Variants in RPTOR observed in about 807,000 individuals in gnomAD.
RPTOR encodes regulatory associated protein of MTOR complex 1.
RPTOR carries 21 observed loss-of-function variants against 169.9 expected under a neutral mutation model. The observed-to-expected ratio is 0.12, with a 90% CI of 0.09 to 0.18. The LOEUF (loss-of-function observed/expected upper bound fraction) is 0.18. Among genes scored for constraint, RPTOR ranks in the 10% least tolerant of loss-of-function variants. The probability of loss-of-function intolerance (pLI) is 1.00; values close to 1 mark genes in which losing one functional copy is unlikely to be tolerated. For synonymous variants in RPTOR, 732 were observed against 753.2 expected, an observed-to-expected ratio of 0.97 and a Z score of 0.46; for missense variants, 1,133 against 1,855.9, an observed-to-expected ratio of 0.61 and a Z score of 7.16.
At chr17:80,932,095 A>G (rs900712653) in intron 24 of RPTOR, among the ~76,000 whole-genome samples, 5 of 151,454 alleles carry the variant, frequency 3.3e-5, no homozygotes, top group Non-Finnish European at 7.4e-5. Context: ...CGCTAGATTG[A>G]CTGAACTCTT....
chr17:80,765,825 C>T (rs567860359), intron 6 of RPTOR, among the ~76,000 whole-genome samples: 6 of 152,272 alleles, frequency 3.9e-5, no homozygotes, highest in African/African-American at 1.2e-4. Context: ...ACTTACTTAA[C>T]GTGGTAAAGG....
In RPTOR at chr17:80,884,434, C is replaced by T. The variant is rs577830062; in HGVS notation, c.1842+462C>T. On this transcript the variant is annotated intron_variant, in intron 16 of 33. Transcript: ENST00000306801. ...CATGCACCATTGCCTTCACTCTTCC[C>T]ACCGGCCTGTGCAGTGCACAGGGTG... is the stretch of plus-strand genomic sequence containing the variant. Among the ~76,000 whole-genome samples, 106 of 152,304 alleles carry T rather than the reference C, an allele frequency of 7.0e-4. 1 individual carries two copies. In the Middle Eastern group the frequency reaches 0.014, roughly 20 times the overall value.
chr17:80,953,578 G>T (rs1187698196), intron 28 of RPTOR, among the ~76,000 whole-genome samples: 1 of 152,268 alleles, frequency 6.6e-6, no homozygotes, highest in South Asian at 2.1e-4. Flanking sequence ...GTGCCTCCAG[G>T]CAGGACAGCA....
At chr17:80,880,686 T>C (rs958612376) in intron 14 of RPTOR, among the ~76,000 whole-genome samples, 197 bp downstream of exon 14, 20 of 152,252 alleles carry the variant, frequency 1.3e-4, no homozygotes, top group Admixed American at 8.5e-4. Context: ...GCGCAGCTGT[T>C]ATTTCGTGTC....
At chr17:80,550,808 T>G (rs997221445) in intron 1 of RPTOR, among the ~76,000 whole-genome samples, 1 of 152,248 alleles carries the variant, frequency 6.6e-6, no homozygotes, top group African/African-American at 2.4e-5. Context: ...GTCTCTTGTC[T>G]GGACACTGCA....
chr17:80,950,493 G>A (rs1598420528), intron 28 of RPTOR, among the ~76,000 whole-genome samples: 1 of 151,990 alleles, frequency 6.6e-6, no homozygotes, highest in Non-Finnish European at 1.5e-5. Context: ...ACATTGCCTC[G>A]AACGTTGGAT....
chr17:80,768,127 G>A, intron 6 of RPTOR, among the ~76,000 whole-genome samples: 1 of 152,194 alleles, frequency 6.6e-6, no homozygotes, highest in Non-Finnish European at 1.5e-5. Flanking sequence ...CTCCCAAAGT[G>A]CTGGGATTAC....
At chr17:80,608,675 C>T (rs1051713381) in intron 1 of RPTOR, among the ~76,000 whole-genome samples, 2 of 152,160 alleles carry the variant, frequency 1.3e-5, no homozygotes, top group Non-Finnish European at 2.9e-5. Flanking sequence ...TTCTCAGGGC[C>T]ACTGCCGCCT....
chr17:80,958,614 CG>C (rs1319130695), intron 29 of RPTOR, among the ~76,000 whole-genome samples: 1 of 151,774 alleles, frequency 6.6e-6, no homozygotes, highest in Non-Finnish European at 1.5e-5. Flanking sequence ...CGGCGTTTCA[CG>C]TGTTAGCCAG....
Position 80,891,801 on chromosome 17 carries a change from G to A in RPTOR, c.2065G>A (p.Glu689Lys). 1.2e-6 allele frequency: 2 copies of A among 1,613,998 alleles called. No individual in the cohort carries two copies. The highest frequency in any genetic ancestry group is 2.2e-5 in the East Asian group (1 of 44,884). Residue 689 changes from glutamate to lysine, a missense_variant, in exon 18 of 34, where the codon GAA becomes AAA. This residue lies in a region of RPTOR where 150 missense variants were observed against 206.4 expected (regional missense o/e 0.73). Transcript: ENST00000306801. The part of the protein sequence containing the change: ...CTVALQFIEE[E>K]KNYALPSPAT... ...CGTGGCCCTGCAGTTCATAGAAGAG[G>A]AAAAGAACTACGCCTTGCCTTCTCC...
chr17:80,736,598 C>T (rs190182970), intron 5 of RPTOR, among the ~76,000 whole-genome samples: 29 of 152,306 alleles, frequency 1.9e-4, no homozygotes, highest in African/African-American at 7.0e-4. Flanking sequence ...ATATTAAATG[C>T]ATATCTCACA....
At chr17:80,858,662 C>T (rs1029932377) in intron 13 of RPTOR, among the ~76,000 whole-genome samples, 7 of 151,886 alleles carry the variant, frequency 4.6e-5, no homozygotes, top group Admixed American at 1.3e-4. Flanking sequence ...GTCGTGTGGG[C>T]GAGACCCGGC....
chr17:80,946,006 A>G (rs2069098913), intron 26 of RPTOR, among the ~76,000 whole-genome samples: 1 of 152,120 alleles, frequency 6.6e-6, no homozygotes, highest in Admixed American at 6.5e-5. Context: ...TCACTGAAGG[A>G]CAGTCCAGAG....
chr17:80,965,439 G>C lies in RPTOR; in HGVS notation c.*1109G>C. 4.3e-6 allele frequency: 1 copy of C among 233,390 alleles called. No individual in the cohort carries two copies. Among genetic ancestry groups the C allele is most frequent in the Middle Eastern group, 1.3e-3 (1 of 786 alleles). 14.5% of individuals were successfully genotyped at this position (233,390 alleles called of 1,614,324 possible). Reference sequence around the variant, plus strand: ...AGCTGGGCCTGTGGTGCAGACAGGAGCTGTGTGGACAGTCCCGCCCAGGAG... The same window carrying C: ...AGCTGGGCCTGTGGTGCAGACAGGACCTGTGTGGACAGTCCCGCCCAGGAG... On this transcript the variant is annotated 3_prime_UTR_variant, in exon 34 of 34. Coordinates refer to ENST00000306801, the MANE Select transcript of RPTOR (RefSeq NM_020761.3).
In RPTOR at chr17:80,708,422, A is replaced by G. The variant is rs1414444006; in HGVS notation, c.507+423A>G. On this transcript the variant is annotated intron_variant, in intron 4 of 33. Coordinates refer to ENST00000306801, the MANE Select transcript of RPTOR (RefSeq NM_020761.3). This position sits in a 1 kb window ranked among gnomAD's most constrained non-coding sequence, Gnocchi z 4.2. ...AAGGGCTAATTCCAAGCTGCCCTGC[A>G]GGTGCAGGCTCTGGGCTTCCCTCCT... 6.6e-6 allele frequency among the ~76,000 whole-genome samples: 1 copy of G among 152,268 alleles called. No individual in the cohort carries two copies. Among genetic ancestry groups the G allele is most frequent in the Non-Finnish European group, 1.5e-5 (1 of 68,044 alleles).
intron 3 of RPTOR, among the ~76,000 whole-genome samples, chr17:80,676,649 GA>G (rs1174033488): frequency 6.6e-6 from 1 of 152,232 alleles, no homozygotes; most frequent in Non-Finnish European, 1.5e-5. Flanking sequence ...TTTTGAGGTG[GA>G]GCATTAGCTA....
chr17:80,742,618 T>C (rs79240811), intron 5 of RPTOR, among the ~76,000 whole-genome samples: 29,962 of 146,338 alleles, frequency 0.2, 2,953 homozygotes, highest in African/African-American at 0.21. Context: ...GCCACACACA[T>C]ACACACGCAC....
rs1425576043 is a variant in RPTOR, at chr17:80,908,816, T to C, written c.2407T>C (p.Ser803Pro). The change falls in exon 21 of 34, where the codon TCC becomes CCC. Residue 803 changes from serine (S) to proline (P), a missense_variant. By Grantham distance (74) the Ser-to-Pro change is moderately conservative. Around this residue, in one of 9 missense-constraint regions of RPTOR, gnomAD observed 1 missense variants for 20.9 expected, o/e 0.05. Transcript: ENST00000306801. ...YSSLNSLIGV[S>P]FNSVYTQIWR... The stretch of plus-strand genomic sequence containing the variant: ...CTTCCATTTCTCTCTCTCAGGAGTT[T>C]CCTTTAACAGTGTTTACACTCAGAT... 6.2e-7 allele frequency: 1 copy of C among 1,612,118 alleles called. No homozygotes were observed. The highest frequency in any genetic ancestry group is 8.5e-7 in the Non-Finnish European group (1 of 1,178,360).
intron 25 of RPTOR, chr17:80,941,130 C>G (rs2069020951): frequency 6.5e-6 from 1 of 154,560 alleles, no homozygotes; most frequent in Non-Finnish European, 1.4e-5. Flanking sequence ...AAATGGTGGC[C>G]AGCTCTGTCA....
Sources: gnomAD v4.1 joint callset for allele counts (sites outside exome capture counted in the v4.1 genomes callset) on GRCh38, gnomAD v4.1.1 for gene constraint, gnomAD v4.1.1 regional missense constraint, Gnocchi (gnomAD v3.1) non-coding constraint, MANE v1.5 for transcripts, NCBI Gene and HGNC (gene_info 2026-07-23, HGNC 2026-07-21) for gene names.